Variants in SLC25A22 observed in about 807,000 individuals in gnomAD.
SLC25A22 encodes the protein mitochondrial glutamate carrier 1.
SLC25A22 carries 23 observed loss-of-function variants against 33.7 expected under a neutral mutation model. That is an observed-to-expected ratio of 0.68 (90% CI 0.49 to 0.97). The LOEUF (loss-of-function observed/expected upper bound fraction) is 0.97. Ranked by LOEUF, SLC25A22 falls within the 50% of genes least tolerant of loss-of-function variation. The probability of loss-of-function intolerance (pLI) is 0.00; values close to 1 mark genes in which losing one functional copy is unlikely to be tolerated. For missense variants in SLC25A22, 390 were observed against 451.1 expected, an observed-to-expected ratio of 0.86 and a Z score of 1.23; for synonymous variants, 245 against 203.8, an observed-to-expected ratio of 1.20 and a Z score of -1.72.
At position 795,027 on chromosome 11, in the gene SLC25A22, T is replaced by C. The variant is rs1318035202; in HGVS notation, c.-21A>G. 9 of 1,552,006 alleles carry C rather than the reference T, an allele frequency of 5.8e-6. No individual in the cohort carries two copies. The highest frequency in any genetic ancestry group is 7.0e-6 in the Non-Finnish European group (8 of 1,148,208). ...GCCATTTAACTCGATTGCACCCAGGTAGGAGCCGCAGAGGTGGACGCCAGG... is the reference window on the plus strand; with the variant it reads ...GCCATTTAACTCGATTGCACCCAGGCAGGAGCCGCAGAGGTGGACGCCAGG... On this transcript the variant is annotated 5_prime_UTR_variant, in exon 2 of 10. Transcript: ENST00000628067.
intron 3 of SLC25A22, 104 bp downstream of exon 3, chr11:794,672 C>T (rs1192118039): frequency 1.3e-5 from 20 of 1,536,480 alleles, no homozygotes; most frequent in Middle Eastern, 4.5e-4. Flanking sequence ...GCCTGCCTCC[C>T]GTTTCCCTTC....
In SLC25A22 at chr11:790,765, G is replaced by T. The variant is rs549994645; in HGVS notation, c.*1150C>A. 7.9e-5 allele frequency: 12 copies of T among 152,560 alleles called. No individual in the cohort carries two copies. The highest frequency in any genetic ancestry group is 7.2e-4 in the Admixed American group (11 of 15,300). The allele number at this position is 152,560 out of a possible 1,614,324, so 9.5% of individuals were successfully genotyped here. ...AACACGATCACATGGCCAGGGCGGGGCAGGGAGAGCTTCGGCTCACAGCAG... is the reference window on the plus strand; with the variant it reads ...AACACGATCACATGGCCAGGGCGGGTCAGGGAGAGCTTCGGCTCACAGCAG... On this transcript the variant is annotated 3_prime_UTR_variant, in exon 10 of 10. Coordinates refer to ENST00000628067, the MANE Select transcript of SLC25A22 (RefSeq NM_001191061.2).
rs747147997 is a variant in SLC25A22, at chr11:792,264, C to T, written c.742+40G>A. 19 of 1,613,026 alleles carry T rather than the reference C, an allele frequency of 1.2e-5. No homozygotes were observed. In the South Asian group the frequency reaches 2.1e-4, roughly 18 times the overall value. ...GTGTGAGCCTGGCCAAGGGCTCAGTCCCGCCCCATCCCCAGCCGGGCGCCA... is the reference window on the plus strand; with the variant it reads ...GTGTGAGCCTGGCCAAGGGCTCAGTTCCGCCCCATCCCCAGCCGGGCGCCA... On this transcript the variant is annotated intron_variant, in intron 8 of 9. Coordinates refer to ENST00000628067, the MANE Select transcript of SLC25A22 (RefSeq NM_001191061.2).
chr11:798,074 G>A (rs965590339), intron 1 of SLC25A22, 143 bp downstream of exon 1: 1 of 398,278 alleles, frequency 2.5e-6, no homozygotes, highest in East Asian at 3.6e-5. Context: ...GCATCCGCTG[G>A]TCCAGGACCC....
intron 4 of SLC25A22, chr11:793,837 A>C: frequency 1.7e-6 from 1 of 598,812 alleles, no homozygotes; most frequent in Admixed American, 2.8e-5. Flanking sequence ...TGCCCACTGC[A>C]GCTCCATCTG....
chr11:795,351 C>T, intron 1 of SLC25A22, 182 bp from the exon 2 acceptor site: 1 of 453,168 alleles, frequency 2.2e-6, no homozygotes, highest in South Asian at 2.2e-5. Context: ...CCTGGGACCA[C>T]CTGGCTTCCT....
chr11:793,039 C>T, intron 5 of SLC25A22, 51 bp from the exon 6 acceptor site: 1 of 1,564,262 alleles, frequency 6.4e-7, no homozygotes, highest in Non-Finnish European at 8.7e-7. Context: ...GTCTACCTGC[C>T]ACCCTCGGGG....
chr11:795,356 C>G (rs571417721), intron 1 of SLC25A22, 187 bp from the exon 2 acceptor site: 7 of 393,136 alleles, frequency 1.8e-5, no homozygotes, highest in Admixed American at 4.2e-5. Context: ...GACCACCTGG[C>G]TTCCTTTCAG....
chr11:793,947 G>A (rs916997551), intron 4 of SLC25A22: 3 of 484,076 alleles, frequency 6.2e-6, no homozygotes, highest in African/African-American at 3.9e-5. Context: ...GAGGACAGAT[G>A]GTGCTTGTGC....
chr11:793,478 C>T, intron 5 of SLC25A22, 51 bp downstream of exon 5: 2 of 1,579,958 alleles, frequency 1.3e-6, no homozygotes, highest in East Asian at 4.5e-5. Flanking sequence ...TGGACCCATC[C>T]TTTATCTGAA....
intron 1 of SLC25A22, among the ~76,000 whole-genome samples, chr11:797,113 G>A (rs1755475805): frequency 6.6e-6 from 1 of 152,198 alleles, no homozygotes; most frequent in African/African-American, 2.4e-5. Context: ...GAGGACACCT[G>A]CATGATAGGG....
At position 791,908 on chromosome 11, in the gene SLC25A22, G is replaced by A. The variant is rs774988646; in HGVS notation, c.*7C>T. The A allele has an allele frequency of 2.5e-6, 4 of 1,591,352 alleles. No homozygotes were observed. The highest frequency in any genetic ancestry group is 3.4e-6 in the Non-Finnish European group (4 of 1,175,800). On this transcript the variant is annotated 3_prime_UTR_variant, in exon 10 of 10. Coordinates refer to ENST00000628067, the MANE Select transcript of SLC25A22 (RefSeq NM_001191061.2). The stretch of plus-strand genomic sequence containing the variant: ...CCCAGCTGGCTGGGGTGGAGCGGGT[G>A]CTGGGCTCAGGCCTGGGGGTCCTGC...
rs1261498486 is a variant in SLC25A22, at chr11:795,405, TCA to T, written c.-163-238_-163-237del. 1.0e-4 allele frequency: 31 copies of T among 299,524 alleles called. No individual in the cohort carries two copies. In the East Asian group the frequency reaches 1.8e-3, roughly 17 times the overall value. The allele number at this position is 299,524 out of a possible 1,614,324, so 18.6% of individuals were successfully genotyped here. ...ACCGCCAGCGTCTTCCCAGCCAGCC[TCA>T]CACGCCGCTCACGCTCGGGGCTCAC... On this transcript the variant is annotated intron_variant, in intron 1 of 9. Coordinates refer to ENST00000628067, the MANE Select transcript of SLC25A22 (RefSeq NM_001191061.2).
intron 1 of SLC25A22, among the ~76,000 whole-genome samples, chr11:797,274 CAGTG>C (rs1194419355): frequency 6.6e-6 from 1 of 152,202 alleles, no homozygotes; most frequent in East Asian, 1.9e-4. Flanking sequence ...AGAATGATGA[CAGTG>C]AGGGGCTCTG....
chr11:793,374 G>A, intron 5 of SLC25A22, 155 bp downstream of exon 5: 1 of 724,062 alleles, frequency 1.4e-6, no homozygotes, highest in Non-Finnish European at 2.4e-6. Flanking sequence ...CCCTGGTCAG[G>A]GGAAAGGAGG....
In SLC25A22 at chr11:792,640, C is replaced by T. The variant is rs201089795; in HGVS notation, c.500G>A (p.Arg167Gln). ...QPSVEAPAAP[R>Q]PTATQLTRDL... The stretch of plus-strand genomic sequence containing the variant: ...GCGGGTCAGCTGGGTGGCCGTGGGC[C>T]GAGGGGCAGCTGGAGCCTCCACTGA... Residue 167 changes from arginine (R) to glutamine (Q), a missense_variant, in exon 7 of 10, where the codon CGG (arginine) becomes CAG (glutamine). Transcript: ENST00000628067. 1.1e-3 allele frequency: 1,784 copies of T among 1,585,920 alleles called. 3 individuals carry two copies. The highest frequency in any genetic ancestry group is 6.0e-3 in the African/African-American group (448 of 74,574).
In SLC25A22 at chr11:791,562, A is replaced by G; in HGVS notation, c.*353T>C. The G allele has an allele frequency of 2.8e-6, 1 of 357,588 alleles. No individual in the cohort carries two copies. The highest frequency in any genetic ancestry group is 5.2e-6 in the Non-Finnish European group (1 of 191,742). The allele number at this position is 357,588 out of a possible 1,614,324, so 22.2% of individuals were successfully genotyped here. On this transcript the variant is annotated 3_prime_UTR_variant, in exon 10 of 10. Transcript: ENST00000628067. ...TGGCTGTGGAGACTGGAGCTGGTGG[A>G]CTGGGGGTATGGTCCAGCCTGCCCG... is the stretch of plus-strand genomic sequence containing the variant.
At chr11:793,456 C>T (rs1228754538) in intron 5 of SLC25A22, 73 bp downstream of exon 5, 3 of 1,473,752 alleles carry the variant, frequency 2.0e-6, no homozygotes, top group African/African-American at 1.4e-5. Context: ...AGGTGGGACC[C>T]AGCTGGCAGG....
At chr11:792,095 C>G in intron 9 of SLC25A22, 27 bp from the exon 10 acceptor site, 1 of 1,600,714 alleles carries the variant, frequency 6.2e-7, no homozygotes, top group Non-Finnish European at 8.5e-7. Flanking sequence ...AAAGGGTCAG[C>G]CCGGTACGCA....
Sources: allele counts gnomAD v4.1 joint callset (sites outside exome capture counted in the v4.1 genomes callset), GRCh38; gene constraint gnomAD v4.1.1; transcripts MANE v1.5; gene names NCBI Gene and HGNC (gene_info 2026-07-23, HGNC 2026-07-21).